The following ATF7IP variants were observed in gnomAD, a reference collection of about 807,000 sequenced individuals.
The protein encoded by ATF7IP is activating transcription factor 7 interacting protein.
In ATF7IP, 23 loss-of-function variants were observed where a neutral mutation model predicts 106.4. The observed-to-expected ratio is 0.22, with a 90% CI of 0.16 to 0.31. The LOEUF (loss-of-function observed/expected upper bound fraction) is 0.31, where lower values mean the gene tolerates loss of function less well. Among genes scored for constraint, ATF7IP ranks in the 10% least tolerant of loss-of-function variants. The pLI, the probability that ATF7IP is intolerant of heterozygous loss-of-function variation, is 1.00. For synonymous variants in ATF7IP, 542 were observed against 539.0 expected (o/e 1.01, Z -0.08); for missense variants, 1,334 against 1,524.3 (o/e 0.88, Z 2.08).
intron 14 of ATF7IP, among the ~76,000 whole-genome samples, chr12:14,496,756 C>T (rs1945023883): frequency 6.6e-6 from 1 of 152,138 alleles, no homozygotes; most frequent in African/African-American, 2.4e-5. Context: ...ATTGGGAATT[C>T]ATTAGTTAAG....
At chr12:14,489,778 T>C (rs1944747567) in intron 13 of ATF7IP, among the ~76,000 whole-genome samples, 1 of 152,216 alleles carries the variant, frequency 6.6e-6, no homozygotes, top group Non-Finnish European at 1.5e-5. Flanking sequence ...AGCCCACTGC[T>C]GCACTTACTC....
At chr12:14,382,124 C>G (rs971103848) in intron 1 of ATF7IP, among the ~76,000 whole-genome samples, 2 of 152,084 alleles carry the variant, frequency 1.3e-5, no homozygotes, top group Non-Finnish European at 2.9e-5. Context: ...CTCGTGAGCC[C>G]AGAAAGTTGA....
chr12:14,436,577 A>G (rs953771363), intron 4 of ATF7IP, among the ~76,000 whole-genome samples: 3 of 152,182 alleles, frequency 2.0e-5, no homozygotes, highest in African/African-American at 7.2e-5. Flanking sequence ...CTGTAATCCC[A>G]GCTACCTGGG....
At chr12:14,419,259 T>A (rs562149038) in intron 1 of ATF7IP, 2 of 152,070 alleles carry the variant, frequency 1.3e-5, no homozygotes, top group South Asian at 4.1e-4. Context: ...CCTGGGAGAG[T>A]TGGAATTCAA....
Position 14,433,086 on chromosome 12 carries a change from G to A in ATF7IP, c.1559-1251G>A, listed in dbSNP as rs115227277. Among the ~76,000 whole-genome samples, 1,351 of 152,162 alleles carry A rather than the reference G, an allele frequency of 8.9e-3. 20 individuals carry two copies. Among genetic ancestry groups the A allele is most frequent in the African/African-American group, 0.03 (1,256 of 41,524 alleles). On this transcript the variant is annotated intron_variant, in intron 2 of 14. Coordinates refer to ENST00000261168, the MANE Select transcript of ATF7IP (RefSeq NM_018179.5). ...ATGACTCATGCAAATTAACCCTTCT[G>A]GGCCAGTCGAGGTGGCTCACGCCTG...
At position 14,502,387 on chromosome 12, in the gene ATF7IP, G is replaced by A. The variant is rs1377290592; in HGVS notation, c.*4314G>A. On this transcript the variant is annotated 3_prime_UTR_variant, in exon 15 of 15. Transcript: ENST00000261168. ...TTGAGCCAGCCAATGGGGAGGAATAGGATAATGCAAACACATGTTTTGTTT... is the reference window on the plus strand; with the variant it reads ...TTGAGCCAGCCAATGGGGAGGAATAAGATAATGCAAACACATGTTTTGTTT... 1.3e-5 allele frequency: 2 copies of A among 151,916 alleles called. No homozygotes were observed. The highest frequency in any genetic ancestry group is 3.9e-4 in the East Asian group (2 of 5,174). The allele number at this position is 151,916 out of a possible 1,614,324, so 9.4% of individuals were successfully genotyped here.
At chr12:14,483,051 G>C (rs1439398836) in intron 13 of ATF7IP, among the ~76,000 whole-genome samples, 2 of 152,210 alleles carry the variant, frequency 1.3e-5, no homozygotes, top group Admixed American at 6.5e-5. Context: ...AAAAGAAGGA[G>C]GAAATACTCA....
At position 14,425,424 on chromosome 12, in the gene ATF7IP, T is replaced by C; in HGVS notation, c.1509T>C (p.Gly503=). ...LVLSDEEDIS[G]EKDESEVISQ... is the part of the protein sequence containing the mutation. ...TCTCTGATGAAGAGGATATTTCGGG[T>C]GAAAAAGATGAGTCTGAAGTTATAT... Residue 503 remains glycine, a synonymous_variant, in exon 2 of 15, where the codon GGT becomes GGC. Transcript: ENST00000261168. The C allele has an allele frequency of 6.3e-7, 1 of 1,595,034 alleles. No individual in the cohort carries two copies. The highest frequency in any genetic ancestry group is 8.5e-7 in the Non-Finnish European group (1 of 1,173,732).
chr12:14,449,721 A>G (rs942441673), intron 6 of ATF7IP, among the ~76,000 whole-genome samples: 4 of 151,846 alleles, frequency 2.6e-5, no homozygotes, highest in African/African-American at 9.7e-5. Context: ...TTCTGGAAAA[A>G]AAAAACAAAC....
At chr12:14,382,478 TAAG>T (rs1939039073) in intron 1 of ATF7IP, among the ~76,000 whole-genome samples, 1 of 152,334 alleles carries the variant, frequency 6.6e-6, no homozygotes, top group East Asian at 1.9e-4. Flanking sequence ...TCTATCATAA[TAAG>T]CACATAGTAG....
intron 6 of ATF7IP, among the ~76,000 whole-genome samples, chr12:14,452,000 C>T (rs1943220828): frequency 6.6e-6 from 1 of 151,932 alleles, no homozygotes; most frequent in African/African-American, 2.4e-5. Context: ...TTCTCCCTTC[C>T]ATTCTTTCAA....
intron 2 of ATF7IP, among the ~76,000 whole-genome samples, chr12:14,429,353 GC>G (rs1271429078): frequency 6.6e-6 from 1 of 151,572 alleles, no homozygotes; most frequent in Non-Finnish European, 1.5e-5. Flanking sequence ...TTCTTTTTTG[GC>G]CTTTCTCATT....
chr12:14,435,151 G>A (rs75196570), intron 3 of ATF7IP, among the ~76,000 whole-genome samples: 2,834 of 151,832 alleles, frequency 0.019, 92 homozygotes, highest in African/African-American at 0.065. Context: ...AGGAAGGAAG[G>A]AAAAGGGAAG....
At chr12:14,487,995 T>C (rs1944682427) in intron 13 of ATF7IP, among the ~76,000 whole-genome samples, 1 of 152,142 alleles carries the variant, frequency 6.6e-6, no homozygotes, top group Non-Finnish European at 1.5e-5. Context: ...TCATGCCAGG[T>C]ACTATCAGTG....
chr12:14,422,143 A>T (rs1486411604), intron 1 of ATF7IP, among the ~76,000 whole-genome samples: 4 of 152,166 alleles, frequency 2.6e-5, no homozygotes, highest in African/African-American at 9.7e-5. Context: ...ATGACATGTT[A>T]AGCTCTTTCC....
chr12:14,381,736 AT>A (rs758848301), intron 1 of ATF7IP, among the ~76,000 whole-genome samples: 9 of 152,184 alleles, frequency 5.9e-5, no homozygotes, highest in Non-Finnish European at 1.2e-4. Flanking sequence ...TAAATAAAAC[AT>A]ATATTTACTC....
At chr12:14,455,010 G>A (rs1447652868) in intron 6 of ATF7IP, among the ~76,000 whole-genome samples, 1 of 151,550 alleles carries the variant, frequency 6.6e-6, no homozygotes, top group Non-Finnish European at 1.5e-5. Flanking sequence ...AAAACCCCAC[G>A]TCTACTAAAA....
chr12:14,410,305 T>C (rs567085689), intron 1 of ATF7IP, among the ~76,000 whole-genome samples: 1 of 152,294 alleles, frequency 6.6e-6, no homozygotes, highest in East Asian at 1.9e-4. Flanking sequence ...CTAAGTAGTG[T>C]GATGAAATCT....
intron 1 of ATF7IP, among the ~76,000 whole-genome samples, chr12:14,370,232 G>A (rs1026572216): frequency 2.0e-5 from 3 of 152,076 alleles, no homozygotes; most frequent in African/African-American, 7.2e-5. Context: ...CACTGCGCCT[G>A]GCCTCCTATG....
Sources: allele counts gnomAD v4.1 joint callset (sites outside exome capture counted in the v4.1 genomes callset), GRCh38; gene constraint gnomAD v4.1.1; transcripts MANE v1.5; gene names NCBI Gene and HGNC (gene_info 2026-07-23, HGNC 2026-07-21).